Variants in HCLS1 observed in about 807,000 individuals in gnomAD.
HCLS1 encodes the protein hematopoietic lineage cell-specific protein.
HCLS1 carries 44 observed loss-of-function variants against 68.6 expected under a neutral mutation model. The ratio of observed to expected loss-of-function variants is 0.64; its 90% CI spans 0.50 to 0.82. The LOEUF is 0.82. HCLS1 is among the 40% of genes least tolerant of loss of function. The probability of loss-of-function intolerance (pLI) is 0.00; values close to 1 mark genes in which losing one functional copy is unlikely to be tolerated. For missense variants in HCLS1, 602 were observed against 612.1 expected (o/e 0.98, Z 0.17); for synonymous variants, 217 against 225.8 (o/e 0.96, Z 0.35).
chr3:121,635,964 G>T (rs933330134), intron 8 of HCLS1, among the ~76,000 whole-genome samples, 160 bp from the exon 9 acceptor site: 1 of 152,158 alleles, frequency 6.6e-6, no homozygotes, highest in Non-Finnish European at 1.5e-5. Context: ...GTGGTAGAGA[G>T]GGGGTAAAGA....
At chr3:121,657,102 A>G (rs1444017203) in intron 3 of HCLS1, 177 bp downstream of exon 3, 1 of 563,746 alleles carries the variant, frequency 1.8e-6, no homozygotes, top group Non-Finnish European at 3.2e-6. Flanking sequence ...TAAAATGGAA[A>G]TATGCAATGA....
At chr3:121,656,005 C>G (rs547434998) in intron 3 of HCLS1, 2 of 151,884 alleles carry the variant, frequency 1.3e-5, no homozygotes, top group East Asian at 3.9e-4. Flanking sequence ...CCCGCCACCA[C>G]GCCCATCTAA....
chr3:121,646,516 A>G (rs1423106050), intron 4 of HCLS1, among the ~76,000 whole-genome samples: 13 of 107,278 alleles, frequency 1.2e-4, no homozygotes, highest in African/African-American at 4.6e-4. Flanking sequence ...TATATATAGT[A>G]TCTGTTATAT....
intron 1 of HCLS1, among the ~76,000 whole-genome samples, chr3:121,659,709 A>ACTTGCAT (rs1937950330): frequency 6.6e-6 from 1 of 151,928 alleles, no homozygotes; most frequent in Non-Finnish European, 1.5e-5. Flanking sequence ...CATCCTTACT[A>ACTTGCAT]CCTGCATCCT....
chr3:121,635,222 TCTC>T (rs1236303532), intron 9 of HCLS1, among the ~76,000 whole-genome samples: 7 of 147,714 alleles, frequency 4.7e-5, no homozygotes, highest in Admixed American at 1.4e-4. Context: ...TCTCTCTCTC[TCTC>T]TTCTCTCCCT....
intron 3 of HCLS1, among the ~76,000 whole-genome samples, chr3:121,651,404 T>C (rs1440693759): frequency 6.6e-6 from 1 of 150,724 alleles, no homozygotes; most frequent in Non-Finnish European, 1.5e-5. Flanking sequence ...CTTAAAAGAG[T>C]GGTTAAGTTG....
chr3:121,655,018 C>A (rs1164451828), intron 3 of HCLS1, among the ~76,000 whole-genome samples: 1 of 152,198 alleles, frequency 6.6e-6, no homozygotes, highest in Non-Finnish European at 1.5e-5. Flanking sequence ...TGGCCTGTTA[C>A]CAGCAGATAC....
chr3:121,634,710 C>A (rs73179962), intron 9 of HCLS1, among the ~76,000 whole-genome samples: 34,119 of 151,884 alleles, frequency 0.22, 4,015 homozygotes, highest in East Asian at 0.31. Context: ...TGGGACACTG[C>A]AGCCTCAACC....
chr3:121,640,782 A>AAGGGGAGGGG (rs1185039803), intron 6 of HCLS1, among the ~76,000 whole-genome samples: 3 of 53,418 alleles, frequency 5.6e-5, no homozygotes, highest in Admixed American at 2.3e-4. Context: ...AAGGCAAGGG[A>AAGGGGAGGGG]AGGGGAGGGG....
At chr3:121,653,093 T>C (rs1393601778) in intron 3 of HCLS1, among the ~76,000 whole-genome samples, 1 of 152,186 alleles carries the variant, frequency 6.6e-6, no homozygotes, top group African/African-American at 2.4e-5. Flanking sequence ...ACGAGACCCA[T>C]GTGTAAACAG....
intron 3 of HCLS1, among the ~76,000 whole-genome samples, chr3:121,651,317 AGAAGATATAT>A (rs1937744134): frequency 6.6e-6 from 1 of 152,252 alleles, no homozygotes; most frequent in South Asian, 2.1e-4. Flanking sequence ...TACTTCATAA[AGAAGATATAT>A]GAAGATATAT....
chr3:121,632,061 G>T (rs779824969), intron 13 of HCLS1, 40 bp downstream of exon 13: 9 of 1,612,902 alleles, frequency 5.6e-6, no homozygotes, highest in Non-Finnish European at 6.8e-6. Context: ...TATATCAGGG[G>T]CCTCCATGTA....
At chr3:121,632,023 G>T (rs1185767925) in intron 13 of HCLS1, 41 bp from the exon 14 acceptor site, 1 of 1,613,902 alleles carries the variant, frequency 6.2e-7, no homozygotes, top group Non-Finnish European at 8.5e-7. Flanking sequence ...GGTCAGACAT[G>T]AATCTCTTTT....
intron 3 of HCLS1, among the ~76,000 whole-genome samples, chr3:121,648,193 A>G (rs1189307800): frequency 1.3e-5 from 2 of 152,174 alleles, no homozygotes; most frequent in East Asian, 3.8e-4. Flanking sequence ...CTAAGGACTA[A>G]TGAAAACTAA....
chr3:121,650,681 A>G (rs1394078518), intron 3 of HCLS1, among the ~76,000 whole-genome samples: 1 of 152,248 alleles, frequency 6.6e-6, no homozygotes, highest in Non-Finnish European at 1.5e-5. Flanking sequence ...TAAAAGCTAA[A>G]ACTGTCAGTC....
Position 121,635,737 on chromosome 3 carries a change from G to A in HCLS1, c.689C>T (p.Ala230Val), listed in dbSNP as rs777497001. The change falls in exon 9 of 14, where the codon GCC (alanine) becomes GTC (valine). Residue 230 changes from alanine to valine, a missense_variant and splice_region_variant. Transcript: ENST00000314583. ...GAGAGTGAATCACTAAGCCTCACCG[G>A]CTTCTATGGGCGTCGTCTTCTTATA... ...TAYKKTTPIE[A>V]ASSGTRGLKA... is the part of the protein sequence containing the mutation. 19 of 1,613,228 alleles carry A rather than the reference G, an allele frequency of 1.2e-5. No homozygotes were observed. Among genetic ancestry groups the A allele is most frequent in the Non-Finnish European group, 1.6e-5 (19 of 1,179,164 alleles).
intron 3 of HCLS1, 100 bp from the exon 4 acceptor site, chr3:121,647,548 T>C: frequency 7.8e-7 from 1 of 1,283,862 alleles, no homozygotes; most frequent in Non-Finnish European, 1.1e-6. Context: ...CTGTTTACTT[T>C]CAGTAATAAC....
chr3:121,651,733 C>G (rs1319342040), intron 3 of HCLS1, among the ~76,000 whole-genome samples: 1 of 152,126 alleles, frequency 6.6e-6, no homozygotes, highest in Admixed American at 6.5e-5. Flanking sequence ...TTTAAAAATA[C>G]TAACAATAAC....
chr3:121,645,384 C>T (rs2049237841), intron 4 of HCLS1, among the ~76,000 whole-genome samples: 1 of 151,898 alleles, frequency 6.6e-6, no homozygotes, highest in Non-Finnish European at 1.5e-5. Flanking sequence ...TCCTGTATGG[C>T]CATCAAAGTT....
Sources: gnomAD v4.1 joint callset for allele counts (sites outside exome capture counted in the v4.1 genomes callset) on GRCh38, gnomAD v4.1.1 for gene constraint, MANE v1.5 for transcripts, NCBI Gene and HGNC (gene_info 2026-07-23, HGNC 2026-07-21) for gene names.